PRKCE: variants seen among roughly 807,000 people sequenced by gnomAD.
PRKCE encodes protein kinase C epsilon type.
In PRKCE, 16 loss-of-function variants were observed where a neutral mutation model predicts 85.4. That is an observed-to-expected ratio of 0.19 (90% CI 0.13 to 0.28). PRKCE has a LOEUF of 0.28. Ranked by LOEUF, PRKCE falls within the 10% of genes least tolerant of loss-of-function variation. The pLI is 1.00. For synonymous variants in PRKCE, 388 were observed against 371.5 expected, an observed-to-expected ratio of 1.04 and a Z score of -0.51; for missense variants, 573 against 975.2, an observed-to-expected ratio of 0.59 and a Z score of 5.49.
chr2:46,019,075 T>C (rs759382442), intron 10 of PRKCE, among the ~76,000 whole-genome samples: 9 of 152,276 alleles, frequency 5.9e-5, no homozygotes, highest in Admixed American at 1.3e-4. Context: ...GGCATTGACA[T>C]AATGCAAACT....
At chr2:45,964,939 T>C (rs6759301) in intron 2 of PRKCE, among the ~76,000 whole-genome samples, 14,712 of 152,228 alleles carry the variant, frequency 0.097, 994 homozygotes, top group African/African-American at 0.19. Flanking sequence ...AATCCTGCCA[T>C]GAACACAGCA....
At position 45,944,966 on chromosome 2, in the gene PRKCE, T is replaced by A. The variant is rs62128987; in HGVS notation, c.413-31463T>A. 7.3e-3 allele frequency among the ~76,000 whole-genome samples: 1,106 copies of A among 152,266 alleles called. 9 individuals carry two copies. The highest frequency in any genetic ancestry group is 0.014 in the Admixed American group (213 of 15,296). On this transcript the variant is annotated intron_variant, in intron 2 of 14. Transcript: ENST00000306156. ...GTTTTTGTGCCCTCAGCCTTCCCTA[T>A]CCCTGCCCTTTTCCTTTCCAGTAAT...
At chr2:45,999,890 A>G (rs933028607) in intron 6 of PRKCE, among the ~76,000 whole-genome samples, 3 of 152,186 alleles carry the variant, frequency 2.0e-5, no homozygotes, top group Non-Finnish European at 2.9e-5. Context: ...ACTACTAATA[A>G]GCCCATCAGA....
intron 1 of PRKCE, among the ~76,000 whole-genome samples, chr2:45,834,584 A>C (rs1222649256): frequency 6.8e-5 from 9 of 132,230 alleles, no homozygotes; most frequent in Non-Finnish European, 1.4e-4. Flanking sequence ...ACGTGTGCGC[A>C]TGTGTGTATG....
At chr2:46,080,972 T>TACACACAC (rs112421012) in intron 10 of PRKCE, among the ~76,000 whole-genome samples, 17,939 of 147,588 alleles carry the variant, frequency 0.12, 1,610 homozygotes, top group East Asian at 0.46. Context: ...CAGTTATGCA[T>TACACACAC]ACACACACAC....
intron 10 of PRKCE, among the ~76,000 whole-genome samples, chr2:46,055,941 G>A (rs556405550): frequency 2.0e-5 from 3 of 152,202 alleles, no homozygotes; most frequent in Non-Finnish European, 4.4e-5. Flanking sequence ...GGGATTACAG[G>A]TGTGAGTCAT....
intron 5 of PRKCE, among the ~76,000 whole-genome samples, chr2:45,982,772 C>A (rs1702994880): frequency 2.0e-5 from 3 of 152,168 alleles, no homozygotes; most frequent in South Asian, 2.1e-4. Context: ...TTCTCTGATA[C>A]CTTAGAGTTT....
intron 6 of PRKCE, among the ~76,000 whole-genome samples, chr2:45,996,830 G>A (rs1704261232): frequency 6.6e-6 from 1 of 152,046 alleles, no homozygotes. Context: ...TTATGGTAAT[G>A]GTGGCCTCCT....
At chr2:45,883,454 T>G (rs1695027761) in intron 2 of PRKCE, among the ~76,000 whole-genome samples, 1 of 152,182 alleles carries the variant, frequency 6.6e-6, no homozygotes, top group Admixed American at 6.5e-5. Flanking sequence ...CCACGGAGTC[T>G]GGAAGGCTCC....
chr2:45,673,055 A>G (rs1289871867), intron 1 of PRKCE, among the ~76,000 whole-genome samples: 2 of 151,810 alleles, frequency 1.3e-5, no homozygotes, highest in African/African-American at 4.8e-5. Flanking sequence ...AAACAAACAA[A>G]CCAAAAACCA....
Position 45,749,749 on chromosome 2 carries a change from C to T in PRKCE, c.349-93251C>T, listed in dbSNP as rs1024312777. On this transcript the variant is annotated intron_variant, in intron 1 of 14. Coordinates refer to ENST00000306156, the MANE Select transcript of PRKCE (RefSeq NM_005400.3). Reference sequence around the variant, plus strand: ...GTTTCACAGCTGGTAGATGATGGAACCAGAATTGAACATGAGTCTGCTTGG... The same window carrying T: ...GTTTCACAGCTGGTAGATGATGGAATCAGAATTGAACATGAGTCTGCTTGG... 3.3e-5 allele frequency among the ~76,000 whole-genome samples: 5 copies of T among 152,166 alleles called. No homozygotes were observed. In the East Asian group the frequency reaches 9.6e-4, roughly 29 times the overall value.
At chr2:45,920,046 A>G (rs1010673455) in intron 2 of PRKCE, among the ~76,000 whole-genome samples, 1 of 152,176 alleles carries the variant, frequency 6.6e-6, no homozygotes, top group Non-Finnish European at 1.5e-5. Flanking sequence ...ATGTCTGTAC[A>G]TGTATTTGTG....
intron 11 of PRKCE, among the ~76,000 whole-genome samples, chr2:46,120,697 A>G (rs575660558): frequency 2.0e-4 from 30 of 152,278 alleles, no homozygotes; most frequent in African/African-American, 7.2e-4. Context: ...AGAGACTTCC[A>G]TTTGTCATTT....
At chr2:45,910,077 C>A (rs1270528855) in intron 2 of PRKCE, among the ~76,000 whole-genome samples, 2 of 151,638 alleles carry the variant, frequency 1.3e-5, no homozygotes, top group Admixed American at 1.3e-4. Flanking sequence ...GAATGTGTGA[C>A]CAGGATACCT....
chr2:45,967,835 C>T (rs1198699535), intron 2 of PRKCE, among the ~76,000 whole-genome samples: 1 of 152,092 alleles, frequency 6.6e-6, no homozygotes, highest in Non-Finnish European at 1.5e-5. Context: ...TATTAAATGA[C>T]TTGTTCAAGG....
At chr2:45,761,455 C>A (rs938719952) in intron 1 of PRKCE, among the ~76,000 whole-genome samples, 12 of 152,150 alleles carry the variant, frequency 7.9e-5, no homozygotes, top group Admixed American at 7.9e-4. Context: ...AGCGCTTTAC[C>A]TACAACACTT....
chr2:45,868,803 A>G (rs979026403), intron 2 of PRKCE, among the ~76,000 whole-genome samples: 1 of 150,824 alleles, frequency 6.6e-6, no homozygotes, highest in Non-Finnish European at 1.5e-5. Context: ...ATAAAATAAA[A>G]TAAAAATAAC....
intron 2 of PRKCE, among the ~76,000 whole-genome samples, chr2:45,908,727 CTG>C (rs1697166409): frequency 6.6e-6 from 1 of 152,172 alleles, no homozygotes; most frequent in Non-Finnish European, 1.5e-5. Flanking sequence ...ATAGGAAAGA[CTG>C]GAAGAGGCCG....
intron 1 of PRKCE, among the ~76,000 whole-genome samples, chr2:45,826,636 C>T (rs1689962999): frequency 6.6e-6 from 1 of 152,118 alleles, no homozygotes; most frequent in South Asian, 2.1e-4. Context: ...ATGCAGCTGT[C>T]CCCGGCTGTC....
Sources: gnomAD v4.1 joint callset for allele counts (sites outside exome capture counted in the v4.1 genomes callset) on GRCh38, gnomAD v4.1.1 for gene constraint, MANE v1.5 for transcripts, NCBI Gene and HGNC (gene_info 2026-07-23, HGNC 2026-07-21) for gene names.